The following HNRNPUL1 variants were observed in gnomAD, a reference collection of about 807,000 sequenced individuals.
HNRNPUL1 encodes the protein heterogeneous nuclear ribonucleoprotein U like 1, also known as heterogeneous nuclear ribonucleoprotein U-like protein 1.
A neutral mutation model predicts 108.5 loss-of-function variants in HNRNPUL1; 14 were observed. The observed-to-expected ratio is 0.13, with a 90% confidence interval of 0.09 to 0.20. HNRNPUL1 has a LOEUF of 0.20. Among genes scored for constraint, HNRNPUL1 ranks in the 10% least tolerant of loss-of-function variants. The pLI is 1.00. For synonymous variants in HNRNPUL1, 422 were observed against 445.2 expected (o/e 0.95, Z 0.66); for missense variants, 804 against 1,168.3 (o/e 0.69, Z 4.55).
intron 1 of HNRNPUL1, chr19:41,265,388 T>C: frequency 6.6e-7 from 1 of 1,513,056 alleles, no homozygotes; most frequent in Non-Finnish European, 8.8e-7. Context: ...TGTCTGTGGC[T>C]GGGGAGGGTC....
At chr19:41,267,964 C>T (rs555803798) in intron 1 of HNRNPUL1, 9 of 321,458 alleles carry the variant, frequency 2.8e-5, no homozygotes, top group Non-Finnish European at 5.1e-5. Context: ...TACTTTGTAG[C>T]CTTCAACACA....
rs150469504 is a variant in HNRNPUL1, at chr19:41,291,721, G to A, written c.1000-524G>A. Among the ~76,000 whole-genome samples, 332 of 152,216 alleles carry A rather than the reference G, an allele frequency of 2.2e-3. 2 individuals carry two copies. Among genetic ancestry groups the A allele is most frequent in the African/African-American group, 7.6e-3 (316 of 41,540 alleles). On this transcript the variant is annotated intron_variant, in intron 7 of 14. Transcript: ENST00000392006. Reference sequence around the variant, plus strand: ...CTTTAGGACAGGTGCAGTGGCTCAAGCCTATAATTCCAACAGTTTGGCAGG... The same window carrying A: ...CTTTAGGACAGGTGCAGTGGCTCAAACCTATAATTCCAACAGTTTGGCAGG...
chr19:41,270,590 T>TC (rs979603949), intron 2 of HNRNPUL1, among the ~76,000 whole-genome samples: 12 of 140,918 alleles, frequency 8.5e-5, no homozygotes, highest in Non-Finnish European at 1.7e-4. Context: ...AACTCTCCCT[T>TC]CCCTTTTTTT....
At position 41,270,886 on chromosome 19, in the gene HNRNPUL1, C is replaced by T. The variant is rs1239425770; in HGVS notation, c.419-1196C>T. Among the ~76,000 whole-genome samples the T allele has an allele frequency of 5.9e-5, 9 of 152,258 alleles. No individual in the cohort carries two copies. In the South Asian group the frequency reaches 8.3e-4, roughly 14 times the overall value. On this transcript the variant is annotated intron_variant, in intron 2 of 14. Coordinates refer to ENST00000392006, the MANE Select transcript of HNRNPUL1 (RefSeq NM_007040.6). ...CTGGGATTACAGGTGTAAGCCACTGCGCCTGGCCTCTCCTCCCCATTTTAT... is the reference window on the plus strand; with the variant it reads ...CTGGGATTACAGGTGTAAGCCACTGTGCCTGGCCTCTCCTCCCCATTTTAT...
intron 3 of HNRNPUL1, 29 bp downstream of exon 3, chr19:41,272,264 G>C: frequency 6.2e-7 from 1 of 1,606,948 alleles, no homozygotes; most frequent in Non-Finnish European, 8.5e-7. Context: ...AGTCACCCTT[G>C]CTCTGGTAGG....
intron 7 of HNRNPUL1, among the ~76,000 whole-genome samples, chr19:41,285,370 T>C (rs1238299920): frequency 6.6e-6 from 1 of 152,144 alleles, no homozygotes; most frequent in Admixed American, 6.6e-5. Context: ...ATTACATACT[T>C]GCGCCACCAC....
intron 5 of HNRNPUL1, 101 bp downstream of exon 5, chr19:41,276,399 G>A (rs1192746161): frequency 7.6e-7 from 1 of 1,323,000 alleles, no homozygotes. Flanking sequence ...AAAAGAGATT[G>A]GATTGTGCAA....
rs10401902 is a variant in HNRNPUL1 at position 41,276,103 on chromosome 19, C to G, written c.647-56C>G. On this transcript the variant is annotated intron_variant, in intron 4 of 14. Transcript: ENST00000392006. ...GGGCAAAAAGAGTGAAACTCCGTCT[C>G]AAGAAAACAAAACAAAATAAAAACA... The G allele has an allele frequency of 1.5e-3, 2,416 of 1,610,564 alleles. 27 individuals carry two copies. In the African/African-American group the frequency reaches 0.029, roughly 19 times the overall value.
At chr19:41,269,436 C>T (rs1318357423) in intron 2 of HNRNPUL1, among the ~76,000 whole-genome samples, 4 of 125,234 alleles carry the variant, frequency 3.2e-5, no homozygotes, top group Admixed American at 2.7e-4. Flanking sequence ...GCTATGATTA[C>T]ACTACTACAC....
At chr19:41,301,854 C>A in intron 11 of HNRNPUL1, 150 bp downstream of exon 11, 1 of 725,878 alleles carries the variant, frequency 1.4e-6, no homozygotes, top group Non-Finnish European at 2.2e-6. Context: ...CCTTGTCTAC[C>A]ACAGCTGTGA....
rs762788416 is a variant in HNRNPUL1, at chr19:41,292,116, T to C, written c.1000-129T>C. 3 of 928,702 alleles carry C rather than the reference T, an allele frequency of 3.2e-6. No individual in the cohort carries two copies. Among genetic ancestry groups the C allele is most frequent in the Non-Finnish European group, 5.1e-6 (3 of 586,110 alleles). 57.5% of individuals were successfully genotyped at this position (928,702 alleles called of 1,614,324 possible). A position where few individuals can be genotyped will look rare whatever the true frequency, so the allele number is the denominator to read the frequency against. On this transcript the variant is annotated intron_variant, in intron 7 of 14. Transcript: ENST00000392006. The surrounding 1 kb of genome is among the most constrained non-coding windows in gnomAD (Gnocchi z 4.1). ...TGATGCTGCCCAGCTTACCTGTATG[T>C]TGGGGAAGGATGCACTTCAATCTGG...
At chr19:41,264,242 G>C (rs2034659695), upstream of HNRNPUL1, 1 of 363,984 alleles carries the variant, frequency 2.7e-6, no homozygotes, top group Non-Finnish European at 4.9e-6. Flanking sequence ...TCTCGTGGCC[G>C]TTGTTTTGAA....
intron 10 of HNRNPUL1, among the ~76,000 whole-genome samples, chr19:41,295,643 A>G (rs2122864806): frequency 6.6e-6 from 1 of 152,306 alleles, no homozygotes; most frequent in East Asian, 1.9e-4. Context: ...CCTGTGAGTG[A>G]GCAAATATGT....
intron 7 of HNRNPUL1, among the ~76,000 whole-genome samples, chr19:41,282,268 C>T (rs182486361): frequency 1.2e-4 from 18 of 152,136 alleles, no homozygotes; most frequent in African/African-American, 2.9e-4. Flanking sequence ...CCACAATCTC[C>T]GCCTCCTGGG....
chr19:41,268,396 A>T, intron 2 of HNRNPUL1, 51 bp downstream of exon 2: 1 of 1,592,654 alleles, frequency 6.3e-7, no homozygotes, highest in Non-Finnish European at 8.6e-7. Flanking sequence ...ATCTACATGG[A>T]GCCTTTACCC....
chr19:41,287,702 G>A (rs2036318843), intron 7 of HNRNPUL1, among the ~76,000 whole-genome samples: 1 of 152,008 alleles, frequency 6.6e-6, no homozygotes, highest in African/African-American at 2.4e-5. Context: ...TGGGACTACA[G>A]GTACGCGCCA....
rs2036799361 is a variant in HNRNPUL1 at position 41,294,933 on chromosome 19, G to T, written c.1518+247G>T. On this transcript the variant is annotated intron_variant, in intron 10 of 14. Transcript: ENST00000392006. The surrounding 1 kb of genome is among the most constrained non-coding windows in gnomAD (Gnocchi z 4.3). ...CCCCAAAGAACATCAGGTAAGAACT[G>T]TTTAGCAAAATGGAAGGAGTATGGA... 6.6e-6 allele frequency among the ~76,000 whole-genome samples: 1 copy of T among 152,202 alleles called. No individual in the cohort carries two copies. The highest frequency in any genetic ancestry group is 2.1e-4 in the South Asian group (1 of 4,832).
intron 3 of HNRNPUL1, among the ~76,000 whole-genome samples, chr19:41,273,455 G>C (rs1012278096): frequency 6.6e-6 from 1 of 152,102 alleles, no homozygotes; most frequent in African/African-American, 2.4e-5. Context: ...TTAGCGTTTT[G>C]GTAGGAAAAT....
In HNRNPUL1 at chr19:41,264,424, C is replaced by G. The variant is rs767310908; in HGVS notation, c.-80C>G. Reference sequence around the variant, plus strand: ...GGGCCCCCCCCCTTTCCCCCTTCGCCTCCTGACAGGAAAGGTTTAAGGGGG... The same window carrying G: ...GGGCCCCCCCCCTTTCCCCCTTCGCGTCCTGACAGGAAAGGTTTAAGGGGG... On this transcript the variant is annotated 5_prime_UTR_variant, in exon 1 of 15. Coordinates refer to ENST00000392006, the MANE Select transcript of HNRNPUL1 (RefSeq NM_007040.6). The G allele has an allele frequency of 8.2e-7, 1 of 1,214,090 alleles. No homozygotes were observed. 75.2% of individuals were successfully genotyped at this position (1,214,090 alleles called of 1,614,324 possible).
Sources: allele counts gnomAD v4.1 joint callset (sites outside exome capture counted in the v4.1 genomes callset), GRCh38; gene constraint gnomAD v4.1.1; non-coding constraint Gnocchi (gnomAD v3.1); transcripts MANE v1.5; gene names NCBI Gene and HGNC (gene_info 2026-07-23, HGNC 2026-07-21).